DYSF: variants seen among roughly 807,000 people sequenced by gnomAD.
The protein encoded by DYSF is dysferlin, also known as dystrophy-associated fer-1-like 1.
Under a neutral mutation model 274.9 loss-of-function variants are expected in DYSF, and 212 were observed. The ratio of observed to expected loss-of-function variants is 0.77; its 90% CI spans 0.69 to 0.86. The LOEUF (loss-of-function observed/expected upper bound fraction) is 0.86, where lower values mean the gene tolerates loss of function less well. Ranked by LOEUF, DYSF falls within the 40% of genes least tolerant of loss-of-function variation. The pLI is 0.00. For missense variants in DYSF, 2,666 were observed against 2,783.2 expected (o/e 0.96, Z 0.95); for synonymous variants, 1,091 against 1,078.7 (o/e 1.01, Z -0.22).
intron 4 of DYSF, among the ~76,000 whole-genome samples, chr2:71,506,424 C>T (rs971858474): frequency 4.6e-5 from 7 of 152,128 alleles, no homozygotes; most frequent in African/African-American, 1.7e-4. Context: ...TCCAGGGCAG[C>T]GTGTTTGGTG....
chr2:71,655,847 T>C (rs2094757890), intron 42 of DYSF, among the ~76,000 whole-genome samples: 1 of 152,206 alleles, frequency 6.6e-6, no homozygotes, highest in Admixed American at 6.5e-5. Context: ...CAGAAAACCC[T>C]ATTCCCTAAC....
intron 12 of DYSF, among the ~76,000 whole-genome samples, chr2:71,521,290 T>C (rs1386657209): frequency 6.6e-6 from 1 of 152,128 alleles, no homozygotes; most frequent in African/African-American, 2.4e-5. Flanking sequence ...AAGTTATAAG[T>C]TGGAGGTGGT....
intron 22 of DYSF, among the ~76,000 whole-genome samples, chr2:71,557,349 C>T (rs934008845): frequency 6.6e-6 from 1 of 152,256 alleles, no homozygotes; most frequent in African/African-American, 2.4e-5. Context: ...GGAGAGGGGA[C>T]TGCCAGGGCA....
At chr2:71,637,098 G>A (rs1238003492) in intron 41 of DYSF, among the ~76,000 whole-genome samples, 3 of 152,222 alleles carry the variant, frequency 2.0e-5, no homozygotes, top group Non-Finnish European at 4.4e-5. Flanking sequence ...TTTCTATAAA[G>A]GGGCGAAGGT....
At chr2:71,551,546 C>T (rs2090945672) in intron 18 of DYSF, 61 bp from the exon 19 acceptor site, 1 of 1,441,592 alleles carries the variant, frequency 6.9e-7, no homozygotes, top group African/African-American at 1.4e-5. Context: ...AGAGGGTGCC[C>T]CTTTCCTTCC....
rs779138900 is a variant in DYSF, at chr2:71,612,696, A to T, written c.4277A>T (p.Asn1426Ile). ...CCCATCACCGTCAAGGTCATCGATA[A>T]CCGCCAGTTTGGCCGCCGGCCTGTG... is the stretch of plus-strand genomic sequence containing the variant. ...CPPITVKVID[N>I]RQFGRRPVVG... Residue 1426 changes from asparagine to isoleucine, a missense_variant, in exon 39 of 56, where the codon AAC becomes ATC. By Grantham distance (149) the Asn-to-Ile change is moderately radical. Transcript: ENST00000410020. The T allele has an allele frequency of 6.2e-7, 1 of 1,613,990 alleles. No homozygotes were observed. Among genetic ancestry groups the T allele is most frequent in the Admixed American group, 1.7e-5 (1 of 59,998 alleles).
intron 35 of DYSF, among the ~76,000 whole-genome samples, chr2:71,602,376 T>G (rs1331199766): frequency 6.6e-6 from 1 of 152,166 alleles, no homozygotes; most frequent in Non-Finnish European, 1.5e-5. Flanking sequence ...GCTCCTGCTC[T>G]CAGTGCTGCC....
chr2:71,682,910 C>T (rs1311256267), intron 55 of DYSF, among the ~76,000 whole-genome samples: 3 of 152,166 alleles, frequency 2.0e-5, no homozygotes, highest in Non-Finnish European at 4.4e-5. Context: ...AGTTCTTGCC[C>T]TTCATGGTGA....
chr2:71,582,051 GA>G (rs1342056652), intron 30 of DYSF, among the ~76,000 whole-genome samples: 4 of 129,244 alleles, frequency 3.1e-5, no homozygotes, highest in Admixed American at 2.8e-4. Flanking sequence ...AGGTTGCGGT[GA>G]ACTGTGATCG....
At chr2:71,485,190 C>T (rs186242304) in intron 3 of DYSF, among the ~76,000 whole-genome samples, 9 of 152,298 alleles carry the variant, frequency 5.9e-5, no homozygotes, top group Admixed American at 3.9e-4. Context: ...GAAATGTGCA[C>T]GTACATTCAT....
intron 12 of DYSF, 133 bp downstream of exon 12, chr2:71,521,037 G>T: frequency 1.4e-6 from 1 of 713,316 alleles, no homozygotes; most frequent in South Asian, 1.8e-5. Context: ...GAGAAATGTG[G>T]AACATGTAGA....
chr2:71,529,752 C>T (rs2088440042), intron 14 of DYSF, among the ~76,000 whole-genome samples: 1 of 152,212 alleles, frequency 6.6e-6, no homozygotes, highest in Admixed American at 6.5e-5. Flanking sequence ...CATTGACCTT[C>T]CTGTCTGAAG....
At chr2:71,534,636 C>A (rs564342274) in intron 14 of DYSF, among the ~76,000 whole-genome samples, 4 of 152,300 alleles carry the variant, frequency 2.6e-5, no homozygotes, top group South Asian at 2.1e-4. Context: ...GGCAAAAGAG[C>A]CTTCTGGGCC....
Position 71,511,859 on chromosome 2 carries a change from T to A in DYSF, c.398T>A (p.Leu133Gln). Residue 133 changes from leucine (L) to glutamine (Q), a missense_variant, in exon 5 of 56, where the codon CTG becomes CAG. This residue lies in a region of DYSF where 794 missense variants were observed against 777.1 expected (regional missense o/e 1.02). Coordinates refer to ENST00000410020, the MANE Select transcript of DYSF (RefSeq NM_001130987.2). Reference protein sequence around the residue: ...SYTPLPGAVPLFPPPTPLEPS... With the variant: ...SYTPLPGAVPQFPPPTPLEPS... ...ACACCGCTGCCTGGAGCTGTGCCCC[T>A]GTTCCCGCCCCCTACTCCTCTGGAG... is the stretch of plus-strand genomic sequence containing the variant. The A allele has an allele frequency of 6.4e-7, 1 of 1,551,702 alleles. No individual in the cohort carries two copies. The highest frequency in any genetic ancestry group is 1.2e-5 in the South Asian group (1 of 84,064).
chr2:71,645,717 C>T (rs144220873), intron 42 of DYSF, among the ~76,000 whole-genome samples: 103 of 152,092 alleles, frequency 6.8e-4, no homozygotes, highest in African/African-American at 2.4e-3. Flanking sequence ...TACCTGACCC[C>T]GTTCTGTATC....
chr2:71,478,178 C>T (rs541401581), intron 1 of DYSF, among the ~76,000 whole-genome samples: 1 of 151,488 alleles, frequency 6.6e-6, no homozygotes, highest in Non-Finnish European at 1.5e-5. Context: ...TAGATGCAGG[C>T]CACCTAAATA....
At chr2:71,549,729 G>A (rs554966629) in intron 17 of DYSF, among the ~76,000 whole-genome samples, 3 of 152,180 alleles carry the variant, frequency 2.0e-5, no homozygotes, top group Admixed American at 6.5e-5. Context: ...GGGAGTGTGA[G>A]GTGTTTCAGG....
intron 22 of DYSF, among the ~76,000 whole-genome samples, chr2:71,561,342 G>A (rs2091740232): frequency 6.6e-6 from 1 of 152,200 alleles, no homozygotes; most frequent in South Asian, 2.1e-4. Context: ...TTTCAGTGCA[G>A]GGCACTCAGC....
At chr2:71,502,604 A>G (rs552387289) in intron 3 of DYSF, among the ~76,000 whole-genome samples, 25 of 152,192 alleles carry the variant, frequency 1.6e-4, no homozygotes, top group Middle Eastern at 3.4e-3. Context: ...TAGCCCATAC[A>G]TGTGCCCCAC....
Sources: gnomAD v4.1 joint callset for allele counts (sites outside exome capture counted in the v4.1 genomes callset) on GRCh38, gnomAD v4.1.1 for gene constraint, gnomAD v4.1.1 regional missense constraint, MANE v1.5 for transcripts, NCBI Gene and HGNC (gene_info 2026-07-23, HGNC 2026-07-21) for gene names.